Variants in ADGRG2 observed in about 807,000 individuals in gnomAD.
The protein encoded by ADGRG2 is adhesion G protein-coupled receptor G2, also known as G protein-coupled receptor 64.
In ADGRG2, 26 loss-of-function variants were observed where a neutral mutation model predicts 74.1. The ratio of observed to expected loss-of-function variants is 0.35; its 90% CI spans 0.26 to 0.49. The LOEUF is 0.49. Ranked by LOEUF, ADGRG2 falls within the 20% of genes least tolerant of loss-of-function variation. ADGRG2 has a pLI of 0.99. For missense variants in ADGRG2, 619 were observed against 763.1 expected, an observed-to-expected ratio of 0.81 and a Z score of 2.22; for synonymous variants, 296 against 295.2, an observed-to-expected ratio of 1.00 and a Z score of -0.03.
In ADGRG2 at chrX:19,008,023, G is replaced by A. The variant is rs1329072276; in HGVS notation, c.1523C>T (p.Ser508Phe). 3 of 1,200,909 alleles carry A rather than the reference G, an allele frequency of 2.5e-6. No individual in the cohort carries two copies. The change falls in exon 19 of 29, where the codon TCC becomes TTC. Residue 508 changes from serine (S) to phenylalanine (F), a missense_variant. Ser to Phe is a radical substitution (Grantham distance 155, BLOSUM62 -2). Around this residue, in one of 3 missense-constraint regions of ADGRG2, gnomAD observed 221 missense variants for 340.6 expected, o/e 0.65. Transcript: ENST00000379869. ...TTCAAAAAAATTGAACTGAACCCTG[G>A]AAGCTAGCTCCATGTCATGAGCTGG... The part of the protein sequence containing the change: ...NLPAHDMELA[S>F]RVQFNFFETP...
intron 3 of ADGRG2, among the ~76,000 whole-genome samples, chrX:19,047,817 C>T (rs888884666): frequency 6.3e-5 from 7 of 111,669 alleles, no homozygotes; most frequent in African/African-American, 9.8e-5. Flanking sequence ...CGGCATTTTC[C>T]GAGTTTACTA....
chrX:19,100,662 A>C (rs2062172250), intron 1 of ADGRG2, among the ~76,000 whole-genome samples: 1 of 113,624 alleles, frequency 8.8e-6, no homozygotes, highest in Admixed American at 9.3e-5. Context: ...CGAAGGCAGA[A>C]GTTTTGTCTG....
In ADGRG2 at chrX:18,999,234, T is replaced by C. The variant is rs1432405696; in HGVS notation, c.2376A>G (p.Gly792=). 25 of 1,205,859 alleles carry C rather than the reference T, an allele frequency of 2.1e-5. No homozygotes were observed. Among genetic ancestry groups the C allele is most frequent in the Non-Finnish European group, 2.8e-5 (25 of 892,423 alleles). Residue 792 remains glycine (G), a synonymous_variant, in exon 26 of 29, where the codon GGA becomes GGG. Transcript: ENST00000379869. ...NNAVFYITVV[G]YFCVIFLLNV... is the part of the protein sequence containing the mutation. Reference sequence around the variant, plus strand: ...TCAGCAAAAATATCACACAGAAATATCCCACCACCGTAATGTAGAATACTG... The same window carrying C: ...TCAGCAAAAATATCACACAGAAATACCCCACCACCGTAATGTAGAATACTG...
At chrX:19,105,736 A>T (rs5955521) in intron 1 of ADGRG2, among the ~76,000 whole-genome samples, 28,799 of 108,944 alleles carry the variant, frequency 0.26, 5,153 homozygotes, top group African/African-American at 0.65. Flanking sequence ...AATAAAAAAA[A>T]TTTTTTTAAA....
chrX:19,094,648 T>C (rs1450447613), intron 1 of ADGRG2, among the ~76,000 whole-genome samples: 1 of 112,685 alleles, frequency 8.9e-6, no homozygotes, highest in Non-Finnish European at 1.9e-5. Context: ...CTGGCTGGCC[T>C]TCCTGTTCGA....
intron 3 of ADGRG2, among the ~76,000 whole-genome samples, chrX:19,068,462 G>A (rs2061600511): frequency 9.2e-6 from 1 of 109,137 alleles, no homozygotes; most frequent in African/African-American, 3.3e-5. Context: ...GGGTGGGGGG[G>A]AAGGAAATTG....
chrX:19,026,495 C>CTT (rs781304544), intron 11 of ADGRG2, among the ~76,000 whole-genome samples: 6 of 95,022 alleles, frequency 6.3e-5, no homozygotes, highest in African/African-American at 1.1e-4. Context: ...ACTGGGGGCA[C>CTT]TTTTTTTTTT....
chrX:19,027,081 G>A (rs919094904), intron 11 of ADGRG2, 138 bp downstream of exon 11: 1 of 540,878 alleles, frequency 1.8e-6, no homozygotes, highest in African/African-American at 2.3e-5. Context: ...AATCTGCAAG[G>A]AAGTCAAGAA....
chrX:19,019,092 A>G (rs180778340), intron 15 of ADGRG2, among the ~76,000 whole-genome samples: 58 of 111,942 alleles, frequency 5.2e-4, no homozygotes, highest in South Asian at 2.6e-3. Context: ...TGATCCGCCC[A>G]CCTTGGCCTC....
intron 15 of ADGRG2, among the ~76,000 whole-genome samples, chrX:19,016,429 C>T (rs1386067423): frequency 9.0e-6 from 1 of 111,365 alleles, no homozygotes; most frequent in Non-Finnish European, 1.9e-5. Context: ...TTAGAACCAC[C>T]CCACCCAGGA....
chrX:19,110,454 G>A lies in ADGRG2; in HGVS notation c.-47+11988C>T, dbSNP rs375442187. ...TCCCAGCACTTTGGGAGGCTGAGGC[G>A]GGTGGATCCCTTGAGGCCAGGAGTT... On this transcript the variant is annotated intron_variant, in intron 1 of 28. Coordinates refer to ENST00000379869, the MANE Select transcript of ADGRG2 (RefSeq NM_001079858.3). Among the ~76,000 whole-genome samples, 11 of 110,546 alleles carry A rather than the reference G, an allele frequency of 1.0e-4. No individual in the cohort carries two copies. In the South Asian group the frequency reaches 1.2e-3, roughly 12 times the overall value.
intron 1 of ADGRG2, among the ~76,000 whole-genome samples, chrX:19,096,038 A>T (rs908339233): frequency 1.3e-4 from 14 of 111,035 alleles, no homozygotes; most frequent in Admixed American, 5.8e-4. Flanking sequence ...AATTAAAAAA[A>T]TTTTTAAAGT....
In ADGRG2 at chrX:19,006,431, A is replaced by C. The variant is rs2060233807; in HGVS notation, c.1690-166T>G. 2.7e-5 allele frequency among the ~76,000 whole-genome samples: 3 copies of C among 111,132 alleles called. No homozygotes were observed. In the Admixed American group the frequency reaches 2.9e-4, roughly 11 times the overall value. On this transcript the variant is annotated intron_variant, in intron 20 of 28. Coordinates refer to ENST00000379869, the MANE Select transcript of ADGRG2 (RefSeq NM_001079858.3). ...TTATTTTATATGGTCCCTAGAAGCA[A>C]GTAAGCCCTAAATAGACCAGCACTT...
chrX:19,102,825 C>T (rs927234795), intron 1 of ADGRG2, among the ~76,000 whole-genome samples: 17 of 111,145 alleles, frequency 1.5e-4, no homozygotes, highest in Non-Finnish European at 5.7e-5. Flanking sequence ...GGGAACTCAC[C>T]AGAACCTGAC....
In ADGRG2 at chrX:19,045,624, A is replaced by G. The variant is rs190691151; in HGVS notation, c.119-5400T>C. 2.4e-3 allele frequency among the ~76,000 whole-genome samples: 264 copies of G among 109,392 alleles called. 3 individuals carry two copies. The highest frequency in any genetic ancestry group is 8.4e-3 in the African/African-American group (252 of 30,020). The allele number at this position is 109,392 out of a possible 115,157, so 95.0% of individuals were successfully genotyped here. ...CGCCTGGCCATAGGGTTTTATTATTAATCTTCTTTAATCTCTCTCTCATCT... is the reference window on the plus strand; with the variant it reads ...CGCCTGGCCATAGGGTTTTATTATTGATCTTCTTTAATCTCTCTCTCATCT... On this transcript the variant is annotated intron_variant, in intron 3 of 28. Coordinates refer to ENST00000379869, the MANE Select transcript of ADGRG2 (RefSeq NM_001079858.3).
intron 2 of ADGRG2, among the ~76,000 whole-genome samples, chrX:19,080,644 T>G (rs765108004): frequency 4.5e-5 from 5 of 111,596 alleles, no homozygotes; most frequent in Non-Finnish European, 9.4e-5. Context: ...ATTACAAGCA[T>G]AATTAGAAGA....
At chrX:19,092,688 G>C (rs1220333742) in intron 1 of ADGRG2, among the ~76,000 whole-genome samples, 1 of 111,668 alleles carries the variant, frequency 9.0e-6, no homozygotes, top group African/African-American at 3.3e-5. Context: ...TTAAAATTCA[G>C]TCCTTGCCTC....
intron 26 of ADGRG2, 86 bp downstream of exon 26, chrX:18,998,910 C>A: frequency 1.3e-6 from 1 of 773,037 alleles, no homozygotes; most frequent in Non-Finnish European, 1.9e-6. Context: ...CCCAACATCT[C>A]TGAGGCATGC....
intron 1 of ADGRG2, among the ~76,000 whole-genome samples, chrX:19,107,896 C>G (rs942922010): frequency 1.2e-3 from 123 of 103,491 alleles, no homozygotes; most frequent in Middle Eastern, 5.9e-3. Context: ...GTCAGGAGAT[C>G]GAGACCATCC....
Sources: allele counts gnomAD v4.1 joint callset (sites outside exome capture counted in the v4.1 genomes callset), GRCh38; gene constraint gnomAD v4.1.1; regional missense constraint gnomAD v4.1.1; transcripts MANE v1.5; gene names NCBI Gene and HGNC (gene_info 2026-07-23, HGNC 2026-07-21).